Variants in CEP250 observed in about 807,000 individuals in gnomAD.
CEP250 encodes the protein centrosomal protein 250, also known as centrosome-associated protein CEP250.
A neutral mutation model predicts 315.7 loss-of-function variants in CEP250; 242 were observed. That is an observed-to-expected ratio of 0.77 (90% CI 0.69 to 0.85). The LOEUF is 0.85. CEP250 is among the 40% of genes least tolerant of loss of function. The pLI, the probability that CEP250 is intolerant of heterozygous loss-of-function variation, is 0.00. For synonymous variants in CEP250, 1,088 were observed against 1,175.0 expected, an observed-to-expected ratio of 0.93 and a Z score of 1.51; for missense variants, 2,515 against 2,886.4, an observed-to-expected ratio of 0.87 and a Z score of 2.95.
At chr20:35,509,899 C>T in intron 33 of CEP250, 99 bp from the exon 34 acceptor site, 1 of 1,103,972 alleles carries the variant, frequency 9.1e-7, no homozygotes, top group Non-Finnish European at 1.4e-6. Flanking sequence ...TAGCCCTTGC[C>T]CAGGCCCCTA....
intron 17 of CEP250, 90 bp downstream of exon 17, chr20:35,478,191 G>A: frequency 1.1e-6 from 1 of 875,524 alleles, no homozygotes. Flanking sequence ...TCTGGAAAGT[G>A]AAAAAGTCTT....
At chr20:35,469,553 T>A (rs2062973148) in intron 9 of CEP250, among the ~76,000 whole-genome samples, 1 of 152,314 alleles carries the variant, frequency 6.6e-6, no homozygotes, top group Non-Finnish European at 1.5e-5. Flanking sequence ...TCTGATGTTC[T>A]TATTGGCTTC....
intron 1 of CEP250, among the ~76,000 whole-genome samples, chr20:35,456,266 A>G (rs1462052117): frequency 6.6e-6 from 1 of 152,242 alleles, no homozygotes; most frequent in Non-Finnish European, 1.5e-5. Context: ...TTACCCATGA[A>G]GAAACTGAGG....
chr20:35,496,403 G>A (rs1326201667), intron 24 of CEP250, among the ~76,000 whole-genome samples, 174 bp from the exon 25 acceptor site: 9 of 151,800 alleles, frequency 5.9e-5, no homozygotes, highest in Non-Finnish European at 7.4e-5. Context: ...AAGTACCTAG[G>A]AGCACTTATT....
Position 35,462,249 on chromosome 20 carries a change from G to T in CEP250, c.-103-16G>T. Reference sequence around the variant, plus strand: ...AGAACAGTCCTTTCCATTTGACTATGTGCTTTGGTCCCCAGTTCAAGAGGA... The same window carrying T: ...AGAACAGTCCTTTCCATTTGACTATTTGCTTTGGTCCCCAGTTCAAGAGGA... On this transcript the variant is annotated splice_polypyrimidine_tract_variant and intron_variant, in intron 3 of 34. Coordinates refer to ENST00000397527, the MANE Select transcript of CEP250 (RefSeq NM_007186.6). The T allele has an allele frequency of 4.2e-6, 3 of 712,034 alleles. No homozygotes were observed. The highest frequency in any genetic ancestry group is 7.0e-6 in the Non-Finnish European group (3 of 428,492). The allele number at this position is 712,034 out of a possible 1,614,324, so 44.1% of individuals were successfully genotyped here. A position where few individuals can be genotyped will look rare whatever the true frequency, so the allele number is the denominator to read the frequency against.
At position 35,506,140 on chromosome 20, in the gene CEP250, C is replaced by T. The variant is rs189351138; in HGVS notation, c.6636+1135C>T. 9.5e-4 allele frequency among the ~76,000 whole-genome samples: 145 copies of T among 152,192 alleles called. 2 individuals are homozygous for T. The highest frequency in any genetic ancestry group is 3.5e-3 in the African/African-American group (145 of 41,496). On this transcript the variant is annotated intron_variant, in intron 30 of 34. Coordinates refer to ENST00000397527, the MANE Select transcript of CEP250 (RefSeq NM_007186.6). ...GCAGAAAGAAGTCAAAGATGACACT[C>T]AGGTTCCTGTTCATGAAGATGAAGA...
chr20:35,498,477 A>C (rs1273182390), intron 26 of CEP250, 118 bp from the exon 27 acceptor site: 3 of 1,249,818 alleles, frequency 2.4e-6, no homozygotes, highest in Non-Finnish European at 3.4e-6. Flanking sequence ...AACTGCTGAG[A>C]AAGGGGTTCT....
intron 20 of CEP250, 84 bp from the exon 21 acceptor site, chr20:35,490,553 G>A (rs1193265095): frequency 1.3e-5 from 17 of 1,327,618 alleles, no homozygotes; most frequent in Non-Finnish European, 1.7e-5. Context: ...GTGAGTAGTA[G>A]AGAGACTTTG....
rs779431510 is a variant in CEP250, at chr20:35,496,734, A to G, written c.3306+19A>G. On this transcript the variant is annotated intron_variant, in intron 25 of 34. Coordinates refer to ENST00000397527, the MANE Select transcript of CEP250 (RefSeq NM_007186.6). ...TGCTCAGGTACTTCCCACTCTGGTT[A>G]TGAGCTCTGCATCCCTGGCAGAAGC... The G allele has an allele frequency of 3.1e-6, 5 of 1,608,110 alleles. No individual in the cohort carries two copies. Among genetic ancestry groups the G allele is most frequent in the South Asian group, 1.1e-5 (1 of 90,136 alleles).
chr20:35,503,242 C>T lies in CEP250; in HGVS notation c.4873C>T (p.Leu1625=), dbSNP rs1464865348. The T allele has an allele frequency of 1.2e-6, 2 of 1,614,066 alleles. No homozygotes were observed. The highest frequency in any genetic ancestry group is 1.7e-5 in the Admixed American group (1 of 60,000). Residue 1625 remains leucine, a synonymous_variant, in exon 30 of 35, where the codon CTG becomes TTG. Transcript: ENST00000397527. This position sits in a 1 kb window ranked among gnomAD's most constrained non-coding sequence, Gnocchi z 4.2. The part of the protein sequence containing the change: ...ESHSTVLARE[L]QERDQEVKSQ... ...CCACAGCACCGTTCTGGCAAGAGAGCTGCAGGAGAGGGACCAGGAGGTGAA... is the reference window on the plus strand; with the variant it reads ...CCACAGCACCGTTCTGGCAAGAGAGTTGCAGGAGAGGGACCAGGAGGTGAA...
rs1489771562 is a variant in CEP250, at chr20:35,511,512, T to C, written c.7215T>C (p.Thr2405=). 1 of 1,614,016 alleles carries C rather than the reference T, an allele frequency of 6.2e-7. No homozygotes were observed. The highest frequency in any genetic ancestry group is 8.5e-7 in the Non-Finnish European group (1 of 1,180,026). The part of the protein sequence containing the change: ...LLAVAQAPEA[T]VLEAETRRLD... Reference sequence around the variant, plus strand: ...CCGTGGCCCAGGCCCCTGAGGCCACTGTCCTGGAGGCAGAGACCCGCAGGC... The same window carrying C: ...CCGTGGCCCAGGCCCCTGAGGCCACCGTCCTGGAGGCAGAGACCCGCAGGC... The change falls in exon 35 of 35, where the codon ACT becomes ACC. Residue 2405 remains threonine (T), a synonymous_variant. Coordinates refer to ENST00000397527, the MANE Select transcript of CEP250 (RefSeq NM_007186.6).
intron 2 of CEP250, among the ~76,000 whole-genome samples, chr20:35,459,039 C>A (rs57792083): frequency 1.9e-4 from 23 of 122,920 alleles, no homozygotes; most frequent in African/African-American, 6.7e-4. Context: ...CAGTGTTGGC[C>A]AGGCTGGTCT....
Position 35,507,752 on chromosome 20 carries a change from C to T in CEP250, c.6651C>T (p.Leu2217=). The T allele has an allele frequency of 1.3e-6, 2 of 1,554,190 alleles. No homozygotes were observed. The highest frequency in any genetic ancestry group is 1.7e-6 in the Non-Finnish European group (2 of 1,148,338). Residue 2217 remains leucine (L), a synonymous_variant, in exon 31 of 35, where the codon CTC becomes CTT. Transcript: ENST00000397527. ...EQQRLQDELE[L]TRRALEKERL... ...CCGTACCCTAGGATGAACTGGAGCTCACCAGACGGGCTCTGGAGAAGGAGC... is the reference window on the plus strand; with the variant it reads ...CCGTACCCTAGGATGAACTGGAGCTTACCAGACGGGCTCTGGAGAAGGAGC...
chr20:35,483,595 C>G (rs143675629), intron 20 of CEP250, among the ~76,000 whole-genome samples: 1 of 151,396 alleles, frequency 6.6e-6, no homozygotes, highest in Non-Finnish European at 1.5e-5. Context: ...GTCTCGAACT[C>G]CTGGGCTCAA....
intron 3 of CEP250, among the ~76,000 whole-genome samples, chr20:35,461,615 C>T (rs960420711): frequency 1.3e-5 from 2 of 152,200 alleles, no homozygotes; most frequent in African/African-American, 4.8e-5. Flanking sequence ...TACTTGTGTT[C>T]AAATCTCTCT....
intron 8 of CEP250, 28 bp downstream of exon 8, chr20:35,467,100 G>A (rs765556337): frequency 9.4e-6 from 14 of 1,487,992 alleles, no homozygotes; most frequent in Non-Finnish European, 1.2e-5. Flanking sequence ...AAGGGAGGAG[G>A]TTTGCCCCTA....
At chr20:35,476,405 G>C in intron 15 of CEP250, 44 bp from the exon 16 acceptor site, 1 of 1,587,376 alleles carries the variant, frequency 6.3e-7, no homozygotes. Flanking sequence ...ACTGTTCCAG[G>C]AAAATTGGAA....
chr20:35,483,954 G>A (rs984669183), intron 20 of CEP250, among the ~76,000 whole-genome samples: 1 of 150,678 alleles, frequency 6.6e-6, no homozygotes, highest in African/African-American at 2.4e-5. Flanking sequence ...ATATCTTCTT[G>A]GTCATTTTTT....
At chr20:35,473,337 T>C in intron 12 of CEP250, 37 bp from the exon 13 acceptor site, 1 of 1,569,796 alleles carries the variant, frequency 6.4e-7, no homozygotes, top group Non-Finnish European at 8.7e-7. Context: ...CCTTTGCCCT[T>C]GTTCATCATC....
Sources: allele counts gnomAD v4.1 joint callset (sites outside exome capture counted in the v4.1 genomes callset), GRCh38; gene constraint gnomAD v4.1.1; non-coding constraint Gnocchi (gnomAD v3.1); transcripts MANE v1.5; gene names NCBI Gene and HGNC (gene_info 2026-07-23, HGNC 2026-07-21).